The following UNC5C variants were observed in gnomAD, a reference collection of about 807,000 sequenced individuals.
The protein encoded by UNC5C is netrin receptor UNC5C.
Under a neutral mutation model 99.8 loss-of-function variants are expected in UNC5C, and 47 were observed. The ratio of observed to expected loss-of-function variants is 0.47; its 90% CI spans 0.37 to 0.60. The LOEUF (loss-of-function observed/expected upper bound fraction) is 0.60, where lower values mean the gene tolerates loss of function less well. Among genes scored for constraint, UNC5C ranks in the 20% least tolerant of loss-of-function variants. UNC5C has a pLI of 0.00. For synonymous variants in UNC5C, 487 were observed against 452.2 expected, an observed-to-expected ratio of 1.08 and a Z score of -0.98; for missense variants, 1,062 against 1,165.9, an observed-to-expected ratio of 0.91 and a Z score of 1.30.
chr4:95,180,185 A>T (rs1319675059), intron 14 of UNC5C, among the ~76,000 whole-genome samples: 2 of 152,216 alleles, frequency 1.3e-5, no homozygotes, highest in Non-Finnish European at 2.9e-5. Flanking sequence ...GCCCAAGATA[A>T]TATTCTATAC....
intron 1 of UNC5C, among the ~76,000 whole-genome samples, chr4:95,375,340 T>C (rs545129790): frequency 6.6e-6 from 1 of 152,280 alleles, no homozygotes; most frequent in South Asian, 2.1e-4. Context: ...TAAGATTCTT[T>C]CATGTCATAG....
At chr4:95,533,998 T>C (rs752000831) in intron 1 of UNC5C, among the ~76,000 whole-genome samples, 108 of 152,220 alleles carry the variant, frequency 7.1e-4, no homozygotes, top group Admixed American at 1.2e-3. Flanking sequence ...ATTCTTTAGA[T>C]GGAATAATAT....
intron 1 of UNC5C, among the ~76,000 whole-genome samples, chr4:95,363,498 A>G (rs1744458790): frequency 6.6e-6 from 1 of 152,164 alleles, no homozygotes; most frequent in Non-Finnish European, 1.5e-5. Flanking sequence ...AAGTGGCAAA[A>G]TCAAACTATA....
At chr4:95,456,680 GT>G (rs1747435585) in intron 1 of UNC5C, among the ~76,000 whole-genome samples, 5 of 152,112 alleles carry the variant, frequency 3.3e-5, no homozygotes, top group Admixed American at 3.3e-4. Context: ...TGTCTGGGAA[GT>G]TGAAGAAGGT....
chr4:95,542,619 C>T (rs112042277), intron 1 of UNC5C, among the ~76,000 whole-genome samples: 2 of 152,210 alleles, frequency 1.3e-5, no homozygotes, highest in Non-Finnish European at 2.9e-5. Context: ...TTTTGGGGAG[C>T]AGCAATGCTC....
At chr4:95,356,900 T>C (rs1374932721) in intron 1 of UNC5C, among the ~76,000 whole-genome samples, 1 of 152,182 alleles carries the variant, frequency 6.6e-6, no homozygotes, top group Middle Eastern at 3.2e-3. Context: ...TCTCGTTTTA[T>C]ATAAGAGGAA....
chr4:95,279,613 T>C (rs1458754226), intron 3 of UNC5C, among the ~76,000 whole-genome samples: 1 of 152,214 alleles, frequency 6.6e-6, no homozygotes, highest in African/African-American at 2.4e-5. Context: ...AAAATTTTAT[T>C]TCATGCATGT....
chr4:95,182,170 T>C (rs1393023513), intron 14 of UNC5C, among the ~76,000 whole-genome samples: 1 of 152,148 alleles, frequency 6.6e-6, no homozygotes, highest in Non-Finnish European at 1.5e-5. Context: ...GGAGAAGTTT[T>C]AGATAGCAGT....
At chr4:95,493,493 C>T (rs560121480) in intron 1 of UNC5C, among the ~76,000 whole-genome samples, 4 of 151,402 alleles carry the variant, frequency 2.6e-5, no homozygotes, top group Non-Finnish European at 5.9e-5. Context: ...TCCAACAATA[C>T]ACTTTTTAGT....
intron 1 of UNC5C, among the ~76,000 whole-genome samples, chr4:95,504,557 G>A (rs372921922): frequency 5.3e-5 from 8 of 151,932 alleles, no homozygotes; most frequent in South Asian, 2.1e-4. Context: ...TAATTCAGGG[G>A]GTATTTCATT....
At chr4:95,442,794 C>G (rs1746988811) in intron 1 of UNC5C, among the ~76,000 whole-genome samples, 1 of 149,860 alleles carries the variant, frequency 6.7e-6, no homozygotes, top group Non-Finnish European at 1.5e-5. Context: ...TCCTAAAAGT[C>G]CATGCATGAG....
intron 10 of UNC5C, among the ~76,000 whole-genome samples, chr4:95,208,318 G>A (rs1737952853): frequency 1.3e-5 from 2 of 152,288 alleles, no homozygotes; most frequent in South Asian, 4.1e-4. Flanking sequence ...ATGAAGCAGT[G>A]AAGCTCCAAG....
intron 9 of UNC5C, among the ~76,000 whole-genome samples, chr4:95,218,237 A>G (rs1024550834): frequency 1.3e-5 from 2 of 152,222 alleles, no homozygotes; most frequent in African/African-American, 2.4e-5. Flanking sequence ...TTTATGACCC[A>G]TGGTTCCAAG....
intron 1 of UNC5C, among the ~76,000 whole-genome samples, chr4:95,464,519 G>T (rs1188609403): frequency 1.3e-5 from 2 of 152,058 alleles, no homozygotes; most frequent in Non-Finnish European, 2.9e-5. Flanking sequence ...CTAAAATAGA[G>T]CTATTTTAAA....
At chr4:95,271,237 T>A (rs576850090) in intron 4 of UNC5C, among the ~76,000 whole-genome samples, 29 of 152,052 alleles carry the variant, frequency 1.9e-4, no homozygotes, top group Admixed American at 1.4e-3. Flanking sequence ...TATTTATTTT[T>A]TTTTTTTTGA....
At chr4:95,224,603 A>AATTC (rs35707866) in intron 7 of UNC5C, among the ~76,000 whole-genome samples, 61,635 of 150,886 alleles carry the variant, frequency 0.41, 12,981 homozygotes, top group East Asian at 0.66. Context: ...ACAGAATTGG[A>AATTC]ATTCATTCAT....
intron 4 of UNC5C, among the ~76,000 whole-genome samples, chr4:95,264,470 A>T (rs1043214455): frequency 1.3e-5 from 2 of 152,130 alleles, no homozygotes; most frequent in Admixed American, 6.6e-5. Context: ...CAACAAACTG[A>T]ATAGTCCAAA....
At chr4:95,332,028 TC>T (rs1743132874) in intron 2 of UNC5C, among the ~76,000 whole-genome samples, 3 of 152,026 alleles carry the variant, frequency 2.0e-5, no homozygotes, top group Non-Finnish European at 4.4e-5. Flanking sequence ...GTGAAGGACC[TC>T]TTCAAGGAGA....
At chr4:95,343,484 C>T (rs773601545) in intron 1 of UNC5C, among the ~76,000 whole-genome samples, 5 of 152,078 alleles carry the variant, frequency 3.3e-5, no homozygotes, top group Non-Finnish European at 5.9e-5. Context: ...GCACACATAG[C>T]TGGAGTGACC....
Sources: allele counts gnomAD v4.1 joint callset (sites outside exome capture counted in the v4.1 genomes callset), GRCh38; gene constraint gnomAD v4.1.1; transcripts MANE v1.5; gene names NCBI Gene and HGNC (gene_info 2026-07-23, HGNC 2026-07-21).